Variants in ANXA7 observed in about 807,000 individuals in gnomAD.
ANXA7 encodes annexin A7.
ANXA7 carries 55 observed loss-of-function variants against 64.9 expected under a neutral mutation model. The ratio of observed to expected loss-of-function variants is 0.85; its 90% CI spans 0.68 to 1.06. The LOEUF is 1.06. Ranked by LOEUF, ANXA7 falls within the 50% of genes least tolerant of loss-of-function variation. The pLI is 0.00. For synonymous variants in ANXA7, 200 were observed against 192.4 expected (o/e 1.04, Z -0.33); for missense variants, 548 against 582.1 (o/e 0.94, Z 0.60).
At chr10:73,388,192 A>T in intron 6 of ANXA7, 120 bp downstream of exon 6, 1 of 698,872 alleles carries the variant, frequency 1.4e-6, no homozygotes. Flanking sequence ...ACATCAGATT[A>T]AATCCAGGTA....
intron 2 of ANXA7, among the ~76,000 whole-genome samples, chr10:73,399,869 C>A (rs1337664450): frequency 6.8e-6 from 1 of 146,472 alleles, no homozygotes; most frequent in Non-Finnish European, 1.5e-5. Flanking sequence ...TGGCCAGGCG[C>A]AATGGCTCAT....
rs532012746 is a variant in ANXA7 at position 73,376,160 on chromosome 10, T to A, written c.1336A>T (p.Thr446Ser). 39 of 1,609,414 alleles carry A rather than the reference T, an allele frequency of 2.4e-5. No homozygotes were observed. In the South Asian group the frequency reaches 3.8e-4, roughly 16 times the overall value. The change falls in exon 13 of 13, where the codon ACA becomes TCA. Residue 446 changes from threonine to serine, a missense_variant. By Grantham distance (58) the Thr-to-Ser change is moderately conservative. Coordinates refer to ENST00000372921, the MANE Select transcript of ANXA7 (RefSeq NM_001156.5). ...FAQMYQKTLG[T>S]MIAGDTSGDY... ...CCACTCGTGTCACCTGCAATCATTG[T>A]GCCCAGAGTCTTCTGATACATCTGA... is the stretch of plus-strand genomic sequence containing the variant.
At chr10:73,406,561 A>G (rs2055761232) in intron 1 of ANXA7, among the ~76,000 whole-genome samples, 1 of 152,046 alleles carries the variant, frequency 6.6e-6, no homozygotes, top group African/African-American at 2.4e-5. Context: ...TACTGGCTCC[A>G]ATTATTATTA....
chr10:73,387,843 C>CAT, intron 6 of ANXA7, 60 bp from the exon 7 acceptor site: 11 of 764,122 alleles, frequency 1.4e-5, no homozygotes, highest in Non-Finnish European at 2.2e-5. Flanking sequence ...TGCTTGAGGT[C>CAT]ATCTTTTTTT....
At chr10:73,397,659 T>A (rs2055597860) in intron 3 of ANXA7, among the ~76,000 whole-genome samples, 1 of 152,114 alleles carries the variant, frequency 6.6e-6, no homozygotes, top group Admixed American at 6.6e-5. Context: ...GGTTTCACCA[T>A]GTTGGCCAAG....
chr10:73,388,214 G>T, intron 6 of ANXA7, 98 bp downstream of exon 6: 2 of 829,588 alleles, frequency 2.4e-6, no homozygotes, highest in Non-Finnish European at 4.0e-6. Context: ...GCGCACCCAG[G>T]CTGACACATA....
chr10:73,380,953 C>CT (rs958747010), intron 9 of ANXA7, among the ~76,000 whole-genome samples: 7 of 152,282 alleles, frequency 4.6e-5, no homozygotes, highest in Admixed American at 1.3e-4. Flanking sequence ...GACAGGGTCT[C>CT]TGCCCTCAAG....
rs542289005 is a variant in ANXA7, at chr10:73,377,930, T to TGTGCGC, written c.1278+980_1278+981insGCGCAC. Among the ~76,000 whole-genome samples, 30 of 142,584 alleles carry TGTGCGC rather than the reference T, an allele frequency of 2.1e-4. 1 individual carries two copies. The highest frequency in any genetic ancestry group is 4.5e-4 in the South Asian group (2 of 4,466). 93.5% of individuals were successfully genotyped at this position (142,584 alleles called of 152,430 possible). On this transcript the variant is annotated intron_variant, in intron 12 of 12. Transcript: ENST00000372921. The stretch of plus-strand genomic sequence containing the variant: ...GTGTGTGTGTGTGTGTGTGTGTGTG[T>TGTGCGC]GCGCGCGCGTGTGTTTTTTGTAGAA...
intron 5 of ANXA7, among the ~76,000 whole-genome samples, chr10:73,390,719 T>TAA (rs1356038950): frequency 7.1e-5 from 8 of 111,918 alleles, no homozygotes; most frequent in East Asian, 8.0e-4. Context: ...TATATATATA[T>TAA]AAAAATATAT....
chr10:73,413,859 G>A (rs2055881872), intron 1 of ANXA7, among the ~76,000 whole-genome samples, 153 bp downstream of exon 1: 1 of 152,210 alleles, frequency 6.6e-6, no homozygotes. Context: ...GCCCGGCTAC[G>A]AGACGCGCAA....
At chr10:73,396,459 G>A in intron 5 of ANXA7, 60 bp downstream of exon 5, 28 of 1,292,982 alleles carry the variant, frequency 2.2e-5, no homozygotes, top group Non-Finnish European at 3.1e-5. Flanking sequence ...CCTCAGCAAA[G>A]GATAGGTTCC....
At chr10:73,388,794 T>C (rs2055421911) in intron 5 of ANXA7, among the ~76,000 whole-genome samples, 1 of 152,194 alleles carries the variant, frequency 6.6e-6, no homozygotes, top group South Asian at 2.1e-4. Flanking sequence ...GAATATAAAA[T>C]GGCTTTAGTG....
At chr10:73,388,821 C>A (rs759260262) in intron 5 of ANXA7, among the ~76,000 whole-genome samples, 1 of 152,152 alleles carries the variant, frequency 6.6e-6, no homozygotes, top group Non-Finnish European at 1.5e-5. Flanking sequence ...CACATGAATG[C>A]CCAGTGAGAT....
intron 9 of ANXA7, 100 bp from the exon 10 acceptor site, chr10:73,380,301 C>G: frequency 9.1e-7 from 1 of 1,095,096 alleles, no homozygotes; most frequent in Non-Finnish European, 1.3e-6. Context: ...GAGACTATTT[C>G]TTTTTTTTTT....
chr10:73,395,194 C>T (rs78272680), intron 5 of ANXA7, among the ~76,000 whole-genome samples: 6,605 of 152,222 alleles, frequency 0.043, 444 homozygotes, highest in African/African-American at 0.14. Context: ...TTGTCCTTCA[C>T]TAGTTGTGTT....
chr10:73,378,122 C>T (rs1187466135), intron 12 of ANXA7, among the ~76,000 whole-genome samples: 2 of 151,764 alleles, frequency 1.3e-5, no homozygotes, highest in Non-Finnish European at 2.9e-5. Context: ...CGCCTGTGAT[C>T]CCAGCACTTT....
intron 1 of ANXA7, among the ~76,000 whole-genome samples, chr10:73,409,898 A>G (rs2055813559): frequency 6.6e-6 from 1 of 152,200 alleles, no homozygotes; most frequent in African/African-American, 2.4e-5. Flanking sequence ...AAAGCACACA[A>G]AAACAAAAAT....
intron 5 of ANXA7, among the ~76,000 whole-genome samples, chr10:73,393,444 C>T (rs1349849713): frequency 2.6e-5 from 4 of 152,184 alleles, no homozygotes; most frequent in African/African-American, 9.7e-5. Flanking sequence ...CATCACGCTA[C>T]CTGACTTTAA....
intron 1 of ANXA7, among the ~76,000 whole-genome samples, chr10:73,412,964 G>A (rs573771401): frequency 3.3e-5 from 5 of 152,218 alleles, no homozygotes; most frequent in African/African-American, 7.2e-5. Flanking sequence ...AGAGGCAGCT[G>A]TTGCAAATTT....
Sources: allele counts gnomAD v4.1 joint callset (sites outside exome capture counted in the v4.1 genomes callset), GRCh38; gene constraint gnomAD v4.1.1; transcripts MANE v1.5; gene names NCBI Gene and HGNC (gene_info 2026-07-23, HGNC 2026-07-21).